The following STK3 variants were observed in gnomAD, a reference collection of about 807,000 sequenced individuals.
The protein encoded by STK3 is serine/threonine-protein kinase 3.
A neutral mutation model predicts 58.0 loss-of-function variants in STK3; 41 were observed. The ratio of observed to expected loss-of-function variants is 0.71; its 90% CI spans 0.55 to 0.92. The LOEUF is 0.92. Ranked by LOEUF, STK3 falls within the 40% of genes least tolerant of loss-of-function variation. STK3 has a pLI of 0.00. For missense variants in STK3, 479 were observed against 602.7 expected (o/e 0.79, Z 2.15); for synonymous variants, 170 against 191.0 (o/e 0.89, Z 0.91).
intron 1 of STK3, among the ~76,000 whole-genome samples, chr8:98,817,051 A>AT (rs575290634): frequency 2.0e-4 from 31 of 152,230 alleles, no homozygotes; most frequent in African/African-American, 5.8e-4. Flanking sequence ...CAATAAAAAG[A>AT]TTTTTTTTAA....
chr8:98,582,556 A>C (rs1814012001), intron 7 of STK3, among the ~76,000 whole-genome samples: 1 of 152,004 alleles, frequency 6.6e-6, no homozygotes, highest in South Asian at 2.1e-4. Flanking sequence ...TCTGTGGTGA[A>C]GATCTAAGTT....
intron 1 of STK3, chr8:98,904,899 T>C (rs1482647484): frequency 2.9e-6 from 2 of 694,112 alleles, no homozygotes; most frequent in Non-Finnish European, 5.5e-6. Flanking sequence ...AGTTGTACTT[T>C]GGACTTGAGG....
rs543675254 is a variant in STK3, at chr8:98,804,299, G to C, written c.26+21216C>G. On this transcript the variant is annotated intron_variant, in intron 1 of 10. Coordinates refer to ENST00000419617, the MANE Select transcript of STK3 (RefSeq NM_006281.4). ...TTACAGGCGTGAGCCACCACACCTG[G>C]CCAAACAAGCATTTTCTTATTTAAT... 7.9e-5 allele frequency among the ~76,000 whole-genome samples: 12 copies of C among 152,262 alleles called. No individual in the cohort carries two copies. In the South Asian group the frequency reaches 2.3e-3, roughly 29 times the overall value.
At chr8:98,697,511 C>G (rs1230548802) in intron 6 of STK3, among the ~76,000 whole-genome samples, 1 of 152,186 alleles carries the variant, frequency 6.6e-6, no homozygotes, top group Non-Finnish European at 1.5e-5. Flanking sequence ...ATAAATTTCA[C>G]TCTACACACT....
At chr8:98,429,730 T>C (rs185844192) in intron 3 of STK3, 1 of 304,904 alleles carries the variant, frequency 3.3e-6, no homozygotes, top group Non-Finnish European at 6.4e-6. Flanking sequence ...TACGCTATTC[T>C]AGTGCTTGTG....
chr8:98,614,969 G>C (rs1282499393), intron 6 of STK3, among the ~76,000 whole-genome samples: 1 of 152,200 alleles, frequency 6.6e-6, no homozygotes, highest in Non-Finnish European at 1.5e-5. Flanking sequence ...AGAGTTCAAG[G>C]AGGCCTGCCT....
At chr8:98,426,252 C>G (rs1467725939) in intron 3 of STK3, among the ~76,000 whole-genome samples, 1 of 152,202 alleles carries the variant, frequency 6.6e-6, no homozygotes, top group Non-Finnish European at 1.5e-5. Context: ...ACACGGTTCC[C>G]CATGCCACAC....
intron 6 of STK3, among the ~76,000 whole-genome samples, chr8:98,674,684 G>A (rs911370003): frequency 6.6e-6 from 1 of 152,118 alleles, no homozygotes; most frequent in African/African-American, 2.4e-5. Context: ...CAAATAAAAA[G>A]CTACTAGGAG....
chr8:98,637,274 T>C (rs894443324), intron 6 of STK3, among the ~76,000 whole-genome samples: 2 of 152,148 alleles, frequency 1.3e-5, no homozygotes, highest in Admixed American at 6.5e-5. Context: ...TCCTTTCCTG[T>C]ATAAGACCAA....
chr8:98,933,558 T>C (rs186988118), intron 1 of STK3, among the ~76,000 whole-genome samples: 1 of 152,298 alleles, frequency 6.6e-6, no homozygotes. Flanking sequence ...AATAAATGTG[T>C]AATAGGAACT....
chr8:98,851,556 T>C (rs1455958506), intron 3 of STK3, among the ~76,000 whole-genome samples: 1 of 152,120 alleles, frequency 6.6e-6, no homozygotes, highest in African/African-American at 2.4e-5. Flanking sequence ...AAAACTATCT[T>C]CCTCAACTAC....
chr8:98,579,810 G>A, intron 7 of STK3, 21 bp from the exon 8 acceptor site: 7 of 1,550,860 alleles, frequency 4.5e-6, no homozygotes, highest in East Asian at 2.3e-5. Flanking sequence ...AAAATTCAAT[G>A]GTATAAATTC....
intron 4 of STK3, among the ~76,000 whole-genome samples, chr8:98,708,962 A>G (rs192405189): frequency 6.6e-6 from 1 of 151,832 alleles, no homozygotes; most frequent in East Asian, 1.9e-4. Flanking sequence ...GAAAAAACCA[A>G]CCAAGTGATT....
At chr8:98,911,620 T>A (rs1434621473) in intron 1 of STK3, among the ~76,000 whole-genome samples, 1 of 152,036 alleles carries the variant, frequency 6.6e-6, no homozygotes, top group Non-Finnish European at 1.5e-5. Context: ...TCTCGAACTC[T>A]TGGCCTCAAG....
At chr8:98,645,775 T>G (rs1820350726) in intron 6 of STK3, among the ~76,000 whole-genome samples, 1 of 152,022 alleles carries the variant, frequency 6.6e-6, no homozygotes, top group Non-Finnish European at 1.5e-5. Context: ...ACACTTTCAC[T>G]ACTTTTCTAA....
intron 6 of STK3, among the ~76,000 whole-genome samples, chr8:98,682,125 T>C (rs770004600): frequency 6.6e-6 from 1 of 152,154 alleles, no homozygotes; most frequent in South Asian, 2.1e-4. Context: ...TAAAGCAAAA[T>C]AGAAAAGCAT....
At chr8:98,700,164 T>C (rs1825427311) in intron 6 of STK3, among the ~76,000 whole-genome samples, 1 of 152,216 alleles carries the variant, frequency 6.6e-6, no homozygotes, top group African/African-American at 2.4e-5. Context: ...TAGGACCCTC[T>C]GATCCAAGTG....
At position 98,858,315 on chromosome 8, in the gene STK3, T is replaced by TAG. The variant is rs1207681611; in HGVS notation, c.110+25331_110+25332insCT. 4.8e-3 allele frequency among the ~76,000 whole-genome samples: 272 copies of TAG among 57,194 alleles called. 1 individual carries two copies. Among genetic ancestry groups the TAG allele is most frequent in the Non-Finnish European group, 6.7e-3 (196 of 29,336 alleles). The allele number at this position is 57,194 out of a possible 152,430, so 37.5% of individuals were successfully genotyped here. A position where few individuals can be genotyped will look rare whatever the true frequency, so the allele number is the denominator to read the frequency against. On this transcript the variant is annotated intron_variant, in intron 3 of 12. Coordinates refer to the STK3 transcript ENST00000523601. ...GTATATATATATATATATATATATA[T>TAG]ATATATATAGAGAGAGAGAGAGAGA...
intron 1 of STK3, among the ~76,000 whole-genome samples, chr8:98,939,840 G>T (rs1474543866): frequency 6.6e-6 from 1 of 152,254 alleles, no homozygotes; most frequent in Non-Finnish European, 1.5e-5. Flanking sequence ...CGCCCTGGGC[G>T]GTTGGGGCCT....
Sources: gnomAD v4.1 joint callset for allele counts (sites outside exome capture counted in the v4.1 genomes callset) on GRCh38, gnomAD v4.1.1 for gene constraint, MANE v1.5 for transcripts, NCBI Gene and HGNC (gene_info 2026-07-23, HGNC 2026-07-21) for gene names.